The following RPA1 variants were observed in gnomAD, a reference collection of about 807,000 sequenced individuals.
RPA1 encodes replication protein A 70 kDa DNA-binding subunit.
A neutral mutation model predicts 83.0 loss-of-function variants in RPA1; 49 were observed. The observed-to-expected ratio is 0.59, with a 90% CI of 0.47 to 0.75. The LOEUF is 0.75. RPA1 is among the 30% of genes least tolerant of loss of function. RPA1 has a pLI of 0.00. For missense variants in RPA1, 693 were observed against 776.1 expected, an observed-to-expected ratio of 0.89 and a Z score of 1.27; for synonymous variants, 279 against 281.8, an observed-to-expected ratio of 0.99 and a Z score of 0.10.
In RPA1 at chr17:1,873,304, G is replaced by T. The variant is rs150966933; in HGVS notation, c.454+778G>T. On this transcript the variant is annotated intron_variant, in intron 6 of 16. Coordinates refer to ENST00000254719, the MANE Select transcript of RPA1 (RefSeq NM_002945.5). ...GTTTCTTCATTTACTTTTCTCTGCAGCAGGTCCTAAGAGGCATTAATGGAA... is the reference window on the plus strand; with the variant it reads ...GTTTCTTCATTTACTTTTCTCTGCATCAGGTCCTAAGAGGCATTAATGGAA... Among the ~76,000 whole-genome samples, 12 of 152,282 alleles carry T rather than the reference G, an allele frequency of 7.9e-5. No homozygotes were observed. The East Asian group carries it at 2.3e-3, about 29-fold the overall frequency.
intron 14 of RPA1, among the ~76,000 whole-genome samples, chr17:1,890,679 A>C (rs1211397224): frequency 6.6e-6 from 1 of 152,144 alleles, no homozygotes; most frequent in Non-Finnish European, 1.5e-5. Flanking sequence ...TAAATAAATT[A>C]AATTAATAAA....
intron 2 of RPA1, 24 bp downstream of exon 2, chr17:1,842,877 T>A: frequency 6.2e-7 from 1 of 1,611,074 alleles, no homozygotes; most frequent in Non-Finnish European, 8.5e-7. Context: ...TATGTTATGT[T>A]CCATGTCAAC....
intron 6 of RPA1, among the ~76,000 whole-genome samples, chr17:1,874,028 TATATACACACAC>T (rs1913488313): frequency 5.8e-5 from 6 of 102,598 alleles, no homozygotes; most frequent in Non-Finnish European, 8.8e-5. Flanking sequence ...TATATATATA[TATATACACACAC>T]ACACACACAC....
intron 11 of RPA1, 21 bp from the exon 12 acceptor site, chr17:1,880,522 T>C (rs1490936198): frequency 3.7e-6 from 6 of 1,611,124 alleles, no homozygotes; most frequent in Non-Finnish European, 4.2e-6. Flanking sequence ...CACTTGTATA[T>C]GTCTGGTGTT....
chr17:1,869,917 G>C (rs578107306), intron 5 of RPA1, among the ~76,000 whole-genome samples: 1 of 152,240 alleles, frequency 6.6e-6, no homozygotes, highest in African/African-American at 2.4e-5. Flanking sequence ...AGGAGTTAAG[G>C]ATTGCTCTAG....
chr17:1,864,288 G>A (rs1419531358), intron 5 of RPA1, among the ~76,000 whole-genome samples: 1 of 152,238 alleles, frequency 6.6e-6, no homozygotes, highest in African/African-American at 2.4e-5. Context: ...TGTAATCCCA[G>A]CACTTTGGGA....
intron 6 of RPA1, among the ~76,000 whole-genome samples, chr17:1,874,245 C>CTT (rs996827941): frequency 2.6e-5 from 4 of 151,844 alleles, no homozygotes; most frequent in African/African-American, 9.7e-5. Flanking sequence ...TGGCTCACAC[C>CTT]TGTAATCCCA....
At chr17:1,840,069 T>G (rs1439590867) in intron 1 of RPA1, among the ~76,000 whole-genome samples, 1 of 151,064 alleles carries the variant, frequency 6.6e-6, no homozygotes, top group Non-Finnish European at 1.5e-5. Context: ...CTGATCCCTT[T>G]GCATACACTG....
At chr17:1,844,107 T>A in intron 3 of RPA1, 109 bp downstream of exon 3, 1 of 840,316 alleles carries the variant, frequency 1.2e-6, no homozygotes, top group Non-Finnish European at 1.9e-6. Context: ...CGTACTTGCT[T>A]GGCTACGTAC....
chr17:1,840,072 A>G (rs542894719), intron 1 of RPA1, among the ~76,000 whole-genome samples: 2 of 151,538 alleles, frequency 1.3e-5, no homozygotes, highest in Non-Finnish European at 2.9e-5. Context: ...ATCCCTTTGC[A>G]TACACTGAAG....
intron 14 of RPA1, among the ~76,000 whole-genome samples, chr17:1,890,977 G>A (rs781174685): frequency 2.0e-5 from 3 of 152,190 alleles, no homozygotes; most frequent in Non-Finnish European, 2.9e-5. Context: ...GTGTGATACC[G>A]TTGCTGTGTA....
intron 4 of RPA1, among the ~76,000 whole-genome samples, chr17:1,846,685 A>G (rs927488162): frequency 6.6e-6 from 1 of 151,856 alleles, no homozygotes; most frequent in African/African-American, 2.4e-5. Flanking sequence ...GTTCTTTTCA[A>G]CGAAGTTTTT....
chr17:1,879,686 T>C lies in RPA1; in HGVS notation c.1079T>C (p.Leu360Pro). ...DTSGKVVTAT[L>P]WGEDADKFDG... ...TCCGGGAAGGTGGTGACTGCTACACTGTGGGGGGAAGATGTAAGTGCTGGG... is the reference window on the plus strand; with the variant it reads ...TCCGGGAAGGTGGTGACTGCTACACCGTGGGGGGAAGATGTAAGTGCTGGG... Residue 360 changes from leucine to proline, a missense_variant, in exon 11 of 17, where the codon CTG (leucine) becomes CCG (proline). Physicochemically the swap from Leu to Pro is moderately conservative, Grantham distance 98 (BLOSUM62 -3). Transcript: ENST00000254719. 1 of 1,614,194 alleles carries C rather than the reference T, an allele frequency of 6.2e-7. No individual in the cohort carries two copies. Among genetic ancestry groups the C allele is most frequent in the Non-Finnish European group, 8.5e-7 (1 of 1,180,024 alleles).
At chr17:1,852,883 C>T (rs111801592) in intron 4 of RPA1, among the ~76,000 whole-genome samples, 2 of 152,084 alleles carry the variant, frequency 1.3e-5, no homozygotes, top group Non-Finnish European at 2.9e-5. Context: ...CGGTGCGTAG[C>T]GAGAACACTG....
At chr17:1,896,103 T>TGTA (rs1255849535) in intron 16 of RPA1, among the ~76,000 whole-genome samples, 3 of 152,196 alleles carry the variant, frequency 2.0e-5, no homozygotes, top group Non-Finnish European at 4.4e-5. Context: ...GTGGTTACCC[T>TGTA]ATTTTGCCAC....
chr17:1,895,805 C>T (rs1968373903), intron 16 of RPA1, among the ~76,000 whole-genome samples: 2 of 151,836 alleles, frequency 1.3e-5, no homozygotes, highest in South Asian at 4.2e-4. Flanking sequence ...GCCTTAGCCC[C>T]TCGAGTAGCT....
chr17:1,848,983 A>G (rs1028392310), intron 4 of RPA1, among the ~76,000 whole-genome samples: 3 of 152,186 alleles, frequency 2.0e-5, no homozygotes, highest in African/African-American at 4.8e-5. Context: ...TAATAATTCT[A>G]TGAACATTTG....
At chr17:1,831,819 T>G (rs989346447) in intron 1 of RPA1, among the ~76,000 whole-genome samples, 1 of 151,504 alleles carries the variant, frequency 6.6e-6, no homozygotes, top group Non-Finnish European at 1.5e-5. Flanking sequence ...CAGGATGGTC[T>G]CGATCTCCTG....
intron 4 of RPA1, among the ~76,000 whole-genome samples, chr17:1,848,213 G>C (rs925846113): frequency 6.6e-6 from 1 of 152,126 alleles, no homozygotes; most frequent in Non-Finnish European, 1.5e-5. Flanking sequence ...CTCTGGAAGG[G>C]TGAGTTCATT....
Sources: allele counts gnomAD v4.1 joint callset (sites outside exome capture counted in the v4.1 genomes callset), GRCh38; gene constraint gnomAD v4.1.1; transcripts MANE v1.5; gene names NCBI Gene and HGNC (gene_info 2026-07-23, HGNC 2026-07-21).